The following NADK variants were observed in gnomAD, a reference collection of about 807,000 sequenced individuals.
The protein encoded by NADK is NAD kinase, also known as poly(P)/ATP NAD kinase.
A neutral mutation model predicts 49.8 loss-of-function variants in NADK; 22 were observed. The ratio of observed to expected loss-of-function variants is 0.44; its 90% CI spans 0.32 to 0.63. NADK has a LOEUF of 0.63. Ranked by LOEUF, NADK falls within the 30% of genes least tolerant of loss-of-function variation. The pLI is 0.06. For synonymous variants in NADK, 268 were observed against 253.7 expected, an observed-to-expected ratio of 1.06 and a Z score of -0.54; for missense variants, 438 against 609.4, an observed-to-expected ratio of 0.72 and a Z score of 2.96.
Position 1,778,025 on chromosome 1 carries a change from G to C in NADK, c.-41+264C>G, listed in dbSNP as rs1023615917. ...CTGACAAGCGCGGTCCGGGCTGGAC[G>C]GCCCCACCTTCCCCGCCCGGGAGAG... On this transcript the variant is annotated intron_variant, in intron 1 of 11. Transcript: ENST00000341426. This position sits in a 1 kb window ranked among gnomAD's most constrained non-coding sequence, Gnocchi z 4.9. 6.6e-6 allele frequency among the ~76,000 whole-genome samples: 1 copy of C among 152,140 alleles called. No homozygotes were observed. Among genetic ancestry groups the C allele is most frequent in the Non-Finnish European group, 1.5e-5 (1 of 68,006 alleles).
intron 6 of NADK, 67 bp from the exon 7 acceptor site, chr1:1,755,543 C>G: frequency 8.4e-7 from 1 of 1,195,866 alleles, no homozygotes; most frequent in Non-Finnish European, 1.2e-6. Flanking sequence ...AGCTTTCCAG[C>G]AGCACCTCAG....
At position 1,763,107 on chromosome 1, in the gene NADK, C is replaced by T. The variant is rs143436968; in HGVS notation, c.180-1072G>A. Among the ~76,000 whole-genome samples the T allele has an allele frequency of 8.9e-3, 1,362 of 152,370 alleles. 14 individuals are homozygous for T. Among genetic ancestry groups the T allele is most frequent in the Non-Finnish European group, 0.016 (1,059 of 68,034 alleles). On this transcript the variant is annotated intron_variant, in intron 2 of 11. Coordinates refer to ENST00000341426, the MANE Select transcript of NADK (RefSeq NM_023018.5). ...CAGGGCCAGACAACCCCAGGAGAGCCGTGGTGCCCTGAGGGCTGCTCCACA... is the reference window on the plus strand; with the variant it reads ...CAGGGCCAGACAACCCCAGGAGAGCTGTGGTGCCCTGAGGGCTGCTCCACA...
At position 1,756,347 on chromosome 1, in the gene NADK, G is replaced by A. The variant is rs1645521578; in HGVS notation, c.500-4C>T. On this transcript the variant is annotated splice_polypyrimidine_tract_variant and splice_region_variant and intron_variant, in intron 5 of 11. Transcript: ENST00000341426. The stretch of plus-strand genomic sequence containing the variant: ...TGATTGGAAATGTCATCATAATCTA[G>A]GAAACACAAAGCAAAACCAAGAAGA... The A allele has an allele frequency of 6.2e-7, 1 of 1,613,930 alleles. No individual in the cohort carries two copies. The highest frequency in any genetic ancestry group is 8.5e-7 in the Non-Finnish European group (1 of 1,179,884).
intron 3 of NADK, among the ~76,000 whole-genome samples, chr1:1,758,184 G>C (rs1271235798): frequency 6.6e-6 from 1 of 152,182 alleles, no homozygotes; most frequent in African/African-American, 2.4e-5. Context: ...CAGCCAGCTA[G>C]TTCCAAGTTG....
Position 1,778,444 on chromosome 1 carries a change from A to C in NADK, c.-196T>G, listed in dbSNP as rs904077252. Reference sequence around the variant, plus strand: ...CCGGACCCCGGCGCCGGCGCCGCCGAGCAGCAATGCGCCGCGCCCGCCCAC... The same window carrying C: ...CCGGACCCCGGCGCCGGCGCCGCCGCGCAGCAATGCGCCGCGCCCGCCCAC... On this transcript the variant is annotated 5_prime_UTR_variant, in exon 1 of 12. Coordinates refer to ENST00000341426, the MANE Select transcript of NADK (RefSeq NM_023018.5). The surrounding 1 kb of genome is among the most constrained non-coding windows in gnomAD (Gnocchi z 4.9). 10 of 147,680 alleles carry C rather than the reference A, an allele frequency of 6.8e-5. No homozygotes were observed. The highest frequency in any genetic ancestry group is 2.4e-4 in the African/African-American group (10 of 40,982). The allele number at this position is 147,680 out of a possible 1,614,324, so 9.1% of individuals were successfully genotyped here.
chr1:1,769,454 G>C (rs887649803), intron 1 of NADK, among the ~76,000 whole-genome samples: 1 of 152,240 alleles, frequency 6.6e-6, no homozygotes, highest in Non-Finnish European at 1.5e-5. Flanking sequence ...AGGAGGCTGA[G>C]GCAGGAGAAT....
At chr1:1,767,519 A>C (rs1202055730) in intron 1 of NADK, among the ~76,000 whole-genome samples, 2 of 152,226 alleles carry the variant, frequency 1.3e-5, no homozygotes, top group South Asian at 2.1e-4. Context: ...GGCCGTGCAC[A>C]GAAACAATAA....
chr1:1,756,346 A>G lies in NADK; in HGVS notation c.500-3T>C, dbSNP rs1645521482. ...CTGATTGGAAATGTCATCATAATCT[A>G]GGAAACACAAAGCAAAACCAAGAAG... On this transcript the variant is annotated splice_polypyrimidine_tract_variant and splice_region_variant and intron_variant, in intron 5 of 11. Coordinates refer to ENST00000341426, the MANE Select transcript of NADK (RefSeq NM_023018.5). 2 of 1,613,848 alleles carry G rather than the reference A, an allele frequency of 1.2e-6. No homozygotes were observed. The highest frequency in any genetic ancestry group is 2.7e-5 in the African/African-American group (2 of 74,904).
At chr1:1,763,717 G>C (rs546088506) in intron 2 of NADK, among the ~76,000 whole-genome samples, 1 of 151,822 alleles carries the variant, frequency 6.6e-6, no homozygotes, top group Non-Finnish European at 1.5e-5. Flanking sequence ...AATGTTTCTC[G>C]AAGTGGGTGT....
rs1645738535 is a variant in NADK, at chr1:1,761,943, A to G, written c.263+9T>C. On this transcript the variant is annotated intron_variant, in intron 3 of 11. Coordinates refer to ENST00000341426, the MANE Select transcript of NADK (RefSeq NM_023018.5). Reference sequence around the variant, plus strand: ...CAAGAACCCCCCGTCCTGGGGCCCCAGCACTCACATGATGGTCTGGGGGTT... The same window carrying G: ...CAAGAACCCCCCGTCCTGGGGCCCCGGCACTCACATGATGGTCTGGGGGTT... 1 of 1,613,490 alleles carries G rather than the reference A, an allele frequency of 6.2e-7. No homozygotes were observed.
intron 1 of NADK, among the ~76,000 whole-genome samples, chr1:1,769,596 C>T (rs775961275): frequency 5.3e-5 from 8 of 151,936 alleles, no homozygotes; most frequent in Admixed American, 2.0e-4. Flanking sequence ...CGTGTGGTGG[C>T]GCGTGCCTGT....
intron 3 of NADK, 23 bp downstream of exon 3, chr1:1,761,929 C>G (rs767460105): frequency 3.1e-6 from 5 of 1,612,158 alleles, no homozygotes; most frequent in Non-Finnish European, 4.2e-6. Flanking sequence ...AAGAACCCCC[C>G]GTCCTGGGGC....
At chr1:1,762,165 G>T in intron 2 of NADK, 130 bp from the exon 3 acceptor site, 1 of 755,076 alleles carries the variant, frequency 1.3e-6, no homozygotes, top group Non-Finnish European at 2.2e-6. Context: ...CATCTGCCCA[G>T]CAGCCACACA....
intron 4 of NADK, chr1:1,756,923 G>A: frequency 1.2e-6 from 1 of 813,110 alleles, no homozygotes; most frequent in South Asian, 1.4e-5. Context: ...GTCAGATGTG[G>A]CCCCTTGATC....
chr1:1,757,379 G>C, intron 3 of NADK, 69 bp from the exon 4 acceptor site: 1 of 1,355,798 alleles, frequency 7.4e-7, no homozygotes, highest in Non-Finnish European at 1.0e-6. Context: ...GTATGACTTA[G>C]AAAATAAAAA....
chr1:1,753,720 G>A lies in NADK; in HGVS notation c.1102-71C>T, dbSNP rs573135932. On this transcript the variant is annotated intron_variant, in intron 10 of 11. Transcript: ENST00000341426. ...GACGCTTCTAGGCACCCACCCCTGA[G>A]TGCTCGCCAGAGGTCGAAGGTTGGG... 2.3e-5 allele frequency: 32 copies of A among 1,367,314 alleles called. No homozygotes were observed. The African/African-American group carries it at 4.0e-4, about 17-fold the overall frequency. 84.7% of individuals were successfully genotyped at this position (1,367,314 alleles called of 1,614,324 possible).
At chr1:1,767,291 G>C (rs1466911754) in intron 1 of NADK, among the ~76,000 whole-genome samples, 1 of 152,202 alleles carries the variant, frequency 6.6e-6, no homozygotes, top group East Asian at 1.9e-4. Context: ...TCAGCCACTT[G>C]GAAGTTTCTG....
rs892004106 is a variant in NADK, at chr1:1,756,943, C to T, written c.393+238G>A. ...ATGTGGCCCCTTGATCTCGGACTTCCCGGCCTCCAGGGCCACGAGCCCACC... is the reference window on the plus strand; with the variant it reads ...ATGTGGCCCCTTGATCTCGGACTTCTCGGCCTCCAGGGCCACGAGCCCACC... On this transcript the variant is annotated intron_variant, in intron 4 of 11. Coordinates refer to ENST00000341426, the MANE Select transcript of NADK (RefSeq NM_023018.5). 4.6e-5 allele frequency: 38 copies of T among 833,610 alleles called. No homozygotes were observed. The East Asian group carries it at 9.2e-4, about 20-fold the overall frequency. 51.6% of individuals were successfully genotyped at this position (833,610 alleles called of 1,614,324 possible). A position where few individuals can be genotyped will look rare whatever the true frequency, so the allele number is the denominator to read the frequency against.
At position 1,752,990 on chromosome 1, in the gene NADK, C is replaced by T; in HGVS notation, c.1255G>A (p.Glu419Lys). The change falls in exon 12 of 12, where the codon GAG becomes AAG. Residue 419 changes from glutamate to lysine, a missense_variant. Glu to Lys is a moderately conservative substitution (Grantham distance 56). Transcript: ENST00000341426. ...CVRDPVSDWFESLAQCLHWNV... is the reference protein window; with the variant it reads ...CVRDPVSDWFKSLAQCLHWNV... ...CAATGCAGGCACTGGGCGAGGCTCT[C>T]AAACCAGTCGCTCACGGGGTCCCGC... The T allele has an allele frequency of 6.2e-7, 1 of 1,605,636 alleles. No individual in the cohort carries two copies. The highest frequency in any genetic ancestry group is 2.2e-5 in the East Asian group (1 of 44,596).
Sources: allele counts gnomAD v4.1 joint callset (sites outside exome capture counted in the v4.1 genomes callset), GRCh38; gene constraint gnomAD v4.1.1; non-coding constraint Gnocchi (gnomAD v3.1); transcripts MANE v1.5; gene names NCBI Gene and HGNC (gene_info 2026-07-23, HGNC 2026-07-21).